NCKAP5: variants seen among roughly 807,000 people sequenced by gnomAD.
NCKAP5 encodes nck-associated protein 5.
A neutral mutation model predicts 167.0 loss-of-function variants in NCKAP5; 92 were observed. The ratio of observed to expected loss-of-function variants is 0.55; its 90% CI spans 0.47 to 0.66. The LOEUF is 0.66. Ranked by LOEUF, NCKAP5 falls within the 30% of genes least tolerant of loss-of-function variation. The pLI is 0.00. For synonymous variants in NCKAP5, 891 were observed against 877.4 expected (o/e 1.02, Z -0.27); for missense variants, 2,378 against 2,315.0 (o/e 1.03, Z -0.56).
chr2:133,405,310 C>G (rs1193088612), intron 3 of NCKAP5, among the ~76,000 whole-genome samples: 1 of 152,192 alleles, frequency 6.6e-6, no homozygotes, highest in Non-Finnish European at 1.5e-5. Context: ...TATACTTGAA[C>G]AAAGCTTATC....
intron 4 of NCKAP5, among the ~76,000 whole-genome samples, chr2:133,226,445 C>T (rs1234324713): frequency 1.3e-5 from 2 of 151,820 alleles, no homozygotes; most frequent in Non-Finnish European, 2.9e-5. Flanking sequence ...GAAAGTGTCC[C>T]CCAAAAATGC....
At position 132,892,854 on chromosome 2, in the gene NCKAP5, T is replaced by C. The variant is rs188739374; in HGVS notation, c.580-13938A>G. ...TAATACAGTACTTTGAAGAAAAAAA[T>C]ATAAATGACAATAGCCTGATAAATG... is the stretch of plus-strand genomic sequence containing the variant. On this transcript the variant is annotated intron_variant, in intron 8 of 19. Coordinates refer to ENST00000409261, the MANE Select transcript of NCKAP5 (RefSeq NM_207363.3). 6.9e-4 allele frequency among the ~76,000 whole-genome samples: 105 copies of C among 151,818 alleles called. 1 individual carries two copies. Among genetic ancestry groups the C allele is most frequent in the Middle Eastern group, 3.4e-3 (1 of 294 alleles).
chr2:132,697,368 G>A (rs28661282), intron 19 of NCKAP5, among the ~76,000 whole-genome samples: 8,658 of 152,210 alleles, frequency 0.057, 784 homozygotes, highest in African/African-American at 0.19. Context: ...TTTTATAGTT[G>A]TTAACTCACA....
At chr2:132,959,122 A>G (rs1004967097) in intron 8 of NCKAP5, among the ~76,000 whole-genome samples, 4 of 149,092 alleles carry the variant, frequency 2.7e-5, no homozygotes, top group African/African-American at 9.8e-5. Flanking sequence ...ATATATATCT[A>G]TCGACTACCA....
chr2:132,957,258 G>A lies in NCKAP5; in HGVS notation c.579+6462C>T, dbSNP rs2076371369. On this transcript the variant is annotated intron_variant, in intron 8 of 19. Coordinates refer to ENST00000409261, the MANE Select transcript of NCKAP5 (RefSeq NM_207363.3). ...GGAATTTGGTACAACCTCACACTCA[G>A]TTGCTAAAACCAAAGAACTAGAAGT... is the stretch of plus-strand genomic sequence containing the variant. Among the ~76,000 whole-genome samples, 2 of 152,132 alleles carry A rather than the reference G, an allele frequency of 1.3e-5. 1 individual carries two copies. The highest frequency in any genetic ancestry group is 4.1e-4 in the South Asian group (2 of 4,824).
chr2:133,357,007 G>A (rs1287577368), intron 3 of NCKAP5, among the ~76,000 whole-genome samples: 1 of 152,134 alleles, frequency 6.6e-6, no homozygotes, highest in Non-Finnish European at 1.5e-5. Context: ...ATGGCATTAT[G>A]AGATATATTT....
chr2:133,245,661 A>G (rs1221353416), intron 4 of NCKAP5, among the ~76,000 whole-genome samples: 4 of 152,016 alleles, frequency 2.6e-5, no homozygotes, highest in African/African-American at 9.7e-5. Context: ...CGCAATCCCT[A>G]TTTTCAATGA....
chr2:132,904,063 C>A (rs951372816), intron 8 of NCKAP5, among the ~76,000 whole-genome samples: 2 of 151,888 alleles, frequency 1.3e-5, no homozygotes, highest in Non-Finnish European at 2.9e-5. Flanking sequence ...CTGAGGCAGG[C>A]GGATCCTGAG....
chr2:133,591,206 C>G, the NCKAP5 span, among the ~76,000 whole-genome samples: 178 of 152,294 alleles, frequency 1.2e-3, no homozygotes, highest in Non-Finnish European at 1.8e-3. Flanking sequence ...GAGCAATGAT[C>G]ATTTATTTAG....
At chr2:132,682,213 T>C (rs1304241437) in intron 19 of NCKAP5, among the ~76,000 whole-genome samples, 2 of 152,184 alleles carry the variant, frequency 1.3e-5, no homozygotes, top group African/African-American at 2.4e-5. Flanking sequence ...ATGCTCTTAA[T>C]GGTCACTACC....
chr2:133,278,887 G>A (rs1375532792), intron 4 of NCKAP5, among the ~76,000 whole-genome samples: 1 of 151,748 alleles, frequency 6.6e-6, no homozygotes, highest in Non-Finnish European at 1.5e-5. Context: ...CGACACGCAA[G>A]TGGCCTTTAA....
intron 2 of NCKAP5, among the ~76,000 whole-genome samples, chr2:133,537,451 T>C (rs982250493): frequency 7.9e-5 from 12 of 152,170 alleles, no homozygotes; most frequent in Admixed American, 5.9e-4. Context: ...TCTTTCCATT[T>C]ATTCAAGTCT....
In NCKAP5 at chr2:132,690,822, G is replaced by A. The variant is rs142564338; in HGVS notation, c.5714-17517C>T. Among the ~76,000 whole-genome samples, 22 of 152,242 alleles carry A rather than the reference G, an allele frequency of 1.4e-4. No homozygotes were observed. The East Asian group carries it at 3.7e-3, about 25-fold the overall frequency. On this transcript the variant is annotated intron_variant, in intron 19 of 19. Coordinates refer to ENST00000409261, the MANE Select transcript of NCKAP5 (RefSeq NM_207363.3). ...TCTCCCCTTCTCTGTGTCCTGTGCT[G>A]TTCCTAGCAGCACCCACTTCTCCCT...
intron 7 of NCKAP5, among the ~76,000 whole-genome samples, chr2:132,984,012 C>G (rs149566943): frequency 6.6e-6 from 1 of 152,132 alleles, no homozygotes; most frequent in Admixed American, 6.5e-5. Context: ...ATCCCAGTGA[C>G]GTTGGAGGCT....
intron 3 of NCKAP5, among the ~76,000 whole-genome samples, chr2:133,361,157 C>T (rs754542429): frequency 6.6e-6 from 1 of 151,980 alleles, no homozygotes; most frequent in Non-Finnish European, 1.5e-5. Context: ...CTTCACCAGC[C>T]CACAACCAAT....
rs751721835 is a variant in NCKAP5, at chr2:132,781,140, C to A, written c.4961G>T (p.Cys1654Phe). Residue 1654 changes from cysteine to phenylalanine, a missense_variant, in exon 15 of 20, where the codon TGT becomes TTT. Physicochemically the swap from Cys to Phe is radical, Grantham distance 205 (BLOSUM62 -2). This residue lies in a region of NCKAP5 where 1,325 missense variants were observed against 1,274.5 expected (regional missense o/e 1.04). Coordinates refer to ENST00000409261, the MANE Select transcript of NCKAP5 (RefSeq NM_207363.3). ...AGTACTGATAGAGCTGCCGATGAGA[C>A]AGGAGCCCTGAGAACTGCCCTTTAA... is the stretch of plus-strand genomic sequence containing the variant. Reference protein sequence around the residue: ...NVLKGSSQGSCLIGSSISTQG... With the variant: ...NVLKGSSQGSFLIGSSISTQG... The A allele has an allele frequency of 8.1e-6, 13 of 1,613,880 alleles. No individual in the cohort carries two copies. In the South Asian group the frequency reaches 1.3e-4, roughly 16 times the overall value.
chr2:133,006,630 T>A (rs1389632149), intron 6 of NCKAP5, among the ~76,000 whole-genome samples: 6 of 151,698 alleles, frequency 4.0e-5, no homozygotes, highest in African/African-American at 4.9e-5. Flanking sequence ...TATTTTATTT[T>A]TTTTTTGACA....
chr2:133,293,561 G>C (rs900486377), intron 4 of NCKAP5, among the ~76,000 whole-genome samples: 1 of 152,054 alleles, frequency 6.6e-6, no homozygotes, highest in Non-Finnish European at 1.5e-5. Context: ...ATTTCATCAG[G>C]GGCTTCATGG....
intron 2 of NCKAP5, among the ~76,000 whole-genome samples, chr2:133,554,696 C>G (rs1417643426): frequency 6.6e-6 from 1 of 152,174 alleles, no homozygotes; most frequent in Non-Finnish European, 1.5e-5. Flanking sequence ...TATGTTGACC[C>G]TACCGATACA....
Sources: allele counts gnomAD v4.1 joint callset (sites outside exome capture counted in the v4.1 genomes callset), GRCh38; gene constraint gnomAD v4.1.1; regional missense constraint gnomAD v4.1.1; transcripts MANE v1.5; gene names NCBI Gene and HGNC (gene_info 2026-07-23, HGNC 2026-07-21).